The following BAZ2B variants were observed in gnomAD, a reference collection of about 807,000 sequenced individuals.
BAZ2B encodes the protein bromodomain adjacent to zinc finger domain 2B.
In BAZ2B, 91 loss-of-function variants were observed where a neutral mutation model predicts 246.0. The observed-to-expected ratio is 0.37, with a 90% CI of 0.31 to 0.44. The LOEUF is 0.44. Ranked by LOEUF, BAZ2B falls within the 20% of genes least tolerant of loss-of-function variation. The pLI is 1.00. For missense variants in BAZ2B, 2,332 were observed against 2,533.7 expected, an observed-to-expected ratio of 0.92 and a Z score of 1.71; for synonymous variants, 855 against 860.0, an observed-to-expected ratio of 0.99 and a Z score of 0.10.
chr2:159,337,897 C>T, intron 31 of BAZ2B, 125 bp from the exon 32 acceptor site: 1 of 855,090 alleles, frequency 1.2e-6, no homozygotes, highest in Non-Finnish European at 1.7e-6. Flanking sequence ...AAAGATTTTA[C>T]CTTGTGTTTC....
chr2:159,360,104 G>A (rs567576302), intron 27 of BAZ2B, among the ~76,000 whole-genome samples: 30 of 152,230 alleles, frequency 2.0e-4, no homozygotes, highest in African/African-American at 6.5e-4. Flanking sequence ...AGTTCTGGCC[G>A]GGGCAATCAG....
the BAZ2B span, among the ~76,000 whole-genome samples, chr2:159,705,771 T>A: frequency 6.6e-6 from 1 of 152,294 alleles, no homozygotes; most frequent in Non-Finnish European, 1.5e-5. Flanking sequence ...TAAGATTTTT[T>A]AAGCTAAACT....
intron 2 of BAZ2B, among the ~76,000 whole-genome samples, chr2:159,531,239 T>C (rs114793312): frequency 8.7e-4 from 133 of 152,308 alleles, no homozygotes; most frequent in Non-Finnish European, 1.7e-3. Context: ...TGACCCTTAC[T>C]TTCCTCATCT....
At chr2:159,638,785 A>C in the BAZ2B span, among the ~76,000 whole-genome samples, 4 of 152,162 alleles carry the variant, frequency 2.6e-5, no homozygotes, top group Non-Finnish European at 4.4e-5. Flanking sequence ...CAAATCTAAG[A>C]GTTACTGGCC....
intron 2 of BAZ2B, among the ~76,000 whole-genome samples, chr2:159,503,226 G>A (rs2082015338): frequency 6.6e-6 from 1 of 152,050 alleles, no homozygotes; most frequent in Non-Finnish European, 1.5e-5. Context: ...GGCATAACAA[G>A]GTCTACTTAA....
chr2:159,579,166 T>C (rs1355451475), intron 1 of BAZ2B, among the ~76,000 whole-genome samples: 1 of 151,840 alleles, frequency 6.6e-6, no homozygotes. Flanking sequence ...ACAAAACTGA[T>C]AGATCGCTAG....
the BAZ2B span, among the ~76,000 whole-genome samples, chr2:159,650,842 A>G: frequency 6.6e-6 from 1 of 152,144 alleles, no homozygotes; most frequent in Non-Finnish European, 1.5e-5. Context: ...TGAGACCATA[A>G]TAGGGCCAAC....
intron 34 of BAZ2B, among the ~76,000 whole-genome samples, chr2:159,328,605 T>C (rs2064138132): frequency 6.6e-6 from 1 of 152,174 alleles, no homozygotes; most frequent in Non-Finnish European, 1.5e-5. Flanking sequence ...GCTTTGACTA[T>C]TAAATTTAAA....
At chr2:159,601,746 G>C (rs969480301) in intron 1 of BAZ2B, among the ~76,000 whole-genome samples, 3 of 152,114 alleles carry the variant, frequency 2.0e-5, no homozygotes, top group Admixed American at 2.0e-4. Flanking sequence ...GATAGAAATA[G>C]ATGCATGCTT....
At chr2:159,360,187 G>C (rs2059533917) in intron 27 of BAZ2B, among the ~76,000 whole-genome samples, 1 of 152,190 alleles carries the variant, frequency 6.6e-6, no homozygotes, top group South Asian at 2.1e-4. Context: ...CAGATGACAT[G>C]ATTGTATATT....
chr2:159,397,678 A>G (rs911548845), intron 18 of BAZ2B, among the ~76,000 whole-genome samples: 1 of 152,188 alleles, frequency 6.6e-6, no homozygotes, highest in Non-Finnish European at 1.5e-5. Flanking sequence ...CTAACTGCAC[A>G]CTTCAATGGC....
At chr2:159,517,328 GTTTTTTCACTCTCT>G (rs2083536962) in intron 2 of BAZ2B, among the ~76,000 whole-genome samples, 1 of 151,112 alleles carries the variant, frequency 6.6e-6, no homozygotes, top group Non-Finnish European at 1.5e-5. Flanking sequence ...CCAAATTGCT[GTTTTTTCACTCTCT>G]GAAATTTTTA....
intron 2 of BAZ2B, among the ~76,000 whole-genome samples, chr2:159,505,398 G>C (rs2082227989): frequency 6.6e-6 from 1 of 152,088 alleles, no homozygotes; most frequent in Non-Finnish European, 1.5e-5. Flanking sequence ...AATTATATCA[G>C]AATCTCTGGG....
chr2:159,385,972 C>T (rs1479683010), intron 22 of BAZ2B, among the ~76,000 whole-genome samples: 1 of 152,000 alleles, frequency 6.6e-6, no homozygotes, highest in African/African-American at 2.4e-5. Flanking sequence ...TCTGTAGGTG[C>T]CTTGATTAGC....
At chr2:159,677,189 T>C in the BAZ2B span, among the ~76,000 whole-genome samples, 1 of 151,288 alleles carries the variant, frequency 6.6e-6, no homozygotes, top group Non-Finnish European at 1.5e-5. Flanking sequence ...ATAAAAATTC[T>C]CAAGAAAAAA....
At chr2:159,351,293 G>A (rs1452984511) in intron 27 of BAZ2B, among the ~76,000 whole-genome samples, 1 of 151,854 alleles carries the variant, frequency 6.6e-6, no homozygotes, top group Non-Finnish European at 1.5e-5. Context: ...TTGACATGTC[G>A]ATAAACATAT....
rs575668794 is a variant in BAZ2B at position 159,594,406 on chromosome 2, CA to C, written c.-46+21835del. Among the ~76,000 whole-genome samples, 31 of 140,132 alleles carry C rather than the reference CA, an allele frequency of 2.2e-4. No homozygotes were observed. In the South Asian group the frequency reaches 2.2e-3, roughly 10 times the overall value. 91.9% of individuals were successfully genotyped at this position (140,132 alleles called of 152,430 possible). A position where few individuals can be genotyped will look rare whatever the true frequency, so the allele number is the denominator to read the frequency against. On this transcript the variant is annotated intron_variant, in intron 1 of 36. Transcript: ENST00000392783. ...TGGGCAACAGAGCGAGACTCCGTCT[CA>C]AAAAAAAAAAGTAATTAGAAAAACT...
chr2:159,349,049 C>G lies in BAZ2B; in HGVS notation c.5095G>C (p.Ala1699Pro). 6.2e-7 allele frequency: 1 copy of G among 1,614,106 alleles called. No individual in the cohort carries two copies. The highest frequency in any genetic ancestry group is 8.5e-7 in the Non-Finnish European group (1 of 1,179,988). The change falls in exon 29 of 37, where the codon GCA (alanine) becomes CCA (proline). Residue 1699 changes from alanine to proline, a missense_variant. Transcript: ENST00000392783. Reference sequence around the variant, plus strand: ...GGACTAGGAAAATCTACTGGTTTTGCTACTTCAACAGCTGCAGGTTGAGCT... The same window carrying G: ...GGACTAGGAAAATCTACTGGTTTTGGTACTTCAACAGCTGCAGGTTGAGCT... ...TSAQPAAVEV[A>P]KPVDFPSPKP...
At chr2:159,676,886 G>A in the BAZ2B span, among the ~76,000 whole-genome samples, 1 of 148,004 alleles carries the variant, frequency 6.8e-6, no homozygotes, top group Admixed American at 6.8e-5. Context: ...GGCTTTAAAC[G>A]ATTAAAATGG....
Sources: allele counts gnomAD v4.1 joint callset (sites outside exome capture counted in the v4.1 genomes callset), GRCh38; gene constraint gnomAD v4.1.1; transcripts MANE v1.5; gene names NCBI Gene and HGNC (gene_info 2026-07-23, HGNC 2026-07-21).